GNA14: variants seen among roughly 807,000 people sequenced by gnomAD.
GNA14 encodes guanine nucleotide-binding protein subunit alpha-14.
In GNA14, 50 loss-of-function variants were observed where a neutral mutation model predicts 42.0. The ratio of observed to expected loss-of-function variants is 1.19; its 90% confidence interval spans 0.95 to 1.51. GNA14 has a LOEUF of 1.51. Ranked by LOEUF, GNA14 falls within the 40% of genes most tolerant of loss-of-function variation. The pLI, the probability that GNA14 is intolerant of heterozygous loss-of-function variation, is 0.00. For missense variants in GNA14, 473 were observed against 446.2 expected, an observed-to-expected ratio of 1.06 and a Z score of -0.54; for synonymous variants, 173 against 163.1, an observed-to-expected ratio of 1.06 and a Z score of -0.46.
At chr9:77,634,120 A>G (rs1443547522) in intron 1 of GNA14, among the ~76,000 whole-genome samples, 2 of 152,156 alleles carry the variant, frequency 1.3e-5, no homozygotes, top group Non-Finnish European at 2.9e-5. Context: ...TACTAGGAAA[A>G]GTCTTTATGA....
At chr9:77,576,604 C>T (rs938396635) in intron 1 of GNA14, among the ~76,000 whole-genome samples, 7 of 151,800 alleles carry the variant, frequency 4.6e-5, no homozygotes, top group African/African-American at 1.7e-4. Context: ...TAGATATGGC[C>T]AAGAGGTTAA....
At chr9:77,597,626 G>A (rs1587842887) in intron 1 of GNA14, among the ~76,000 whole-genome samples, 1 of 150,904 alleles carries the variant, frequency 6.6e-6, no homozygotes, top group Non-Finnish European at 1.5e-5. Flanking sequence ...AAGTAATTGC[G>A]GTTTTTGCCA....
At chr9:77,645,167 T>C (rs11145504) in intron 1 of GNA14, among the ~76,000 whole-genome samples, 26,761 of 152,222 alleles carry the variant, frequency 0.18, 2,820 homozygotes, top group East Asian at 0.28. Flanking sequence ...GTGAAAGAGA[T>C]GGTGTCTTTG....
intron 1 of GNA14, among the ~76,000 whole-genome samples, chr9:77,570,606 G>C (rs1823045141): frequency 1.3e-5 from 2 of 152,036 alleles, no homozygotes; most frequent in South Asian, 4.1e-4. Flanking sequence ...TTCTATTATG[G>C]CTATTCCACA....
chr9:77,477,303 T>C (rs976301561), intron 2 of GNA14, among the ~76,000 whole-genome samples: 3 of 152,124 alleles, frequency 2.0e-5, no homozygotes, highest in African/African-American at 7.2e-5. Context: ...ACTGAGATCC[T>C]GCAACTGCAT....
chr9:77,519,646 G>C (rs1029135990), intron 2 of GNA14, among the ~76,000 whole-genome samples: 3 of 152,080 alleles, frequency 2.0e-5, no homozygotes, highest in African/African-American at 4.8e-5. Flanking sequence ...TGGAGACTAC[G>C]TAGGGTGGGA....
intron 1 of GNA14, among the ~76,000 whole-genome samples, chr9:77,562,879 G>A (rs1822905806): frequency 6.6e-6 from 1 of 152,144 alleles, no homozygotes; most frequent in African/African-American, 2.4e-5. Context: ...CTCACTGTAA[G>A]TGGTCTTTTC....
chr9:77,467,000 G>GGTGTGTGTGTGTGTGTGTGT (rs59321037), intron 2 of GNA14, among the ~76,000 whole-genome samples: 12 of 143,620 alleles, frequency 8.4e-5, no homozygotes, highest in East Asian at 2.1e-4. Context: ...TTTACCACTC[G>GGTGTGTGTGTGTGTGTGTGT]GTGTGTGTGT....
chr9:77,603,244 T>A (rs1823595644), intron 1 of GNA14, among the ~76,000 whole-genome samples: 1 of 152,170 alleles, frequency 6.6e-6, no homozygotes, highest in Admixed American at 6.5e-5. Context: ...TGTGATAGCT[T>A]TTGTGTGTGA....
At chr9:77,572,984 G>C (rs1022772486) in intron 1 of GNA14, among the ~76,000 whole-genome samples, 1 of 152,076 alleles carries the variant, frequency 6.6e-6, no homozygotes, top group Non-Finnish European at 1.5e-5. Flanking sequence ...ATATACTGTC[G>C]ACGCTAAATA....
chr9:77,614,477 G>A (rs1823779648), intron 1 of GNA14, among the ~76,000 whole-genome samples: 1 of 152,266 alleles, frequency 6.6e-6, no homozygotes, highest in East Asian at 1.9e-4. Flanking sequence ...TTTTGCCACT[G>A]TATTAATTCA....
Position 77,482,953 on chromosome 9 carries a change from C to A in GNA14, c.309+46116G>T, listed in dbSNP as rs1036705102. On this transcript the variant is annotated intron_variant, in intron 2 of 6. Transcript: ENST00000341700. The stretch of plus-strand genomic sequence containing the variant: ...GCATTGGTTATTCTAGTTATCCATT[C>A]GTCTAATTTTTTTTCAAAGTTTTTA... Among the ~76,000 whole-genome samples, 7 of 152,276 alleles carry A rather than the reference C, an allele frequency of 4.6e-5. 1 individual carries two copies. The South Asian group carries it at 1.4e-3, about 32-fold the overall frequency.
chr9:77,464,418 T>C (rs541197158), intron 2 of GNA14, among the ~76,000 whole-genome samples: 2 of 152,066 alleles, frequency 1.3e-5, no homozygotes, highest in African/African-American at 4.8e-5. Flanking sequence ...AATTACCTTT[T>C]AGCGTCACTA....
intron 2 of GNA14, among the ~76,000 whole-genome samples, chr9:77,492,304 T>TATAAATAAATAAATTTTATTTATAAAA (rs1383980284): frequency 2.6e-5 from 4 of 151,398 alleles, no homozygotes; most frequent in Non-Finnish European, 5.9e-5. Context: ...GAGATCAGAA[T>TATAAATAAATAAATTTTATTTATAAAA]ATAAATAAAT....
intron 2 of GNA14, among the ~76,000 whole-genome samples, chr9:77,494,470 GA>G (rs1836838206): frequency 6.6e-6 from 1 of 151,938 alleles, no homozygotes; most frequent in African/African-American, 2.4e-5. Flanking sequence ...AAAAAATTGG[GA>G]AACACTGCAG....
In GNA14 at chr9:77,648,004, G is replaced by T. The variant is rs1587860923; in HGVS notation, c.-211C>A. 1.7e-6 allele frequency: 1 copy of T among 572,354 alleles called. No homozygotes were observed. Among genetic ancestry groups the T allele is most frequent in the East Asian group, 3.2e-5 (1 of 30,874 alleles). The allele number at this position is 572,354 out of a possible 1,614,324, so 35.5% of individuals were successfully genotyped here. A position where few individuals can be genotyped will look rare whatever the true frequency, so the allele number is the denominator to read the frequency against. On this transcript the variant is annotated 5_prime_UTR_variant, in exon 1 of 7. Coordinates refer to ENST00000341700, the MANE Select transcript of GNA14 (RefSeq NM_004297.4). ...TGAGGCGGGGTGAATGCCGAGCGCT[G>T]GGAACGCTCGAGTGCACCCCGGATC...
chr9:77,494,265 T>A (rs1455513795), intron 2 of GNA14, among the ~76,000 whole-genome samples: 2 of 152,188 alleles, frequency 1.3e-5, no homozygotes, highest in Non-Finnish European at 2.9e-5. Flanking sequence ...ATTTTCTCCA[T>A]CTATGCTCCA....
chr9:77,453,889 C>G (rs1835954359), intron 2 of GNA14, among the ~76,000 whole-genome samples: 1 of 152,312 alleles, frequency 6.6e-6, no homozygotes, highest in South Asian at 2.1e-4. Context: ...TCAATGGCAA[C>G]TGGGGATCCA....
At position 77,643,346 on chromosome 9, in the gene GNA14, T is replaced by C. The variant is rs142334263; in HGVS notation, c.124+4324A>G. On this transcript the variant is annotated intron_variant, in intron 1 of 6. Transcript: ENST00000341700. ...CCTCCACCTCCCAGGTTCAAGCGAT[T>C]ATCTTGCCTCAACCTCCTGAGAAGC... Among the ~76,000 whole-genome samples the C allele has an allele frequency of 6.7e-3, 1,018 of 152,034 alleles. 14 individuals are homozygous for C. Among genetic ancestry groups the C allele is most frequent in the African/African-American group, 0.023 (951 of 41,444 alleles).
Sources: allele counts gnomAD v4.1 joint callset (sites outside exome capture counted in the v4.1 genomes callset), GRCh38; gene constraint gnomAD v4.1.1; transcripts MANE v1.5; gene names NCBI Gene and HGNC (gene_info 2026-07-23, HGNC 2026-07-21).